FBXL2: variants seen among roughly 807,000 people sequenced by gnomAD.
FBXL2 encodes the protein F-box and leucine rich repeat protein 2, also known as F-box/LRR-repeat protein 2.
FBXL2 carries 38 observed loss-of-function variants against 69.2 expected under a neutral mutation model. The observed-to-expected ratio is 0.55, with a 90% CI of 0.42 to 0.72. FBXL2 has a LOEUF of 0.72. FBXL2 is among the 30% of genes least tolerant of loss of function. FBXL2 has a pLI of 0.00. For synonymous variants in FBXL2, 192 were observed against 201.3 expected, an observed-to-expected ratio of 0.95 and a Z score of 0.39; for missense variants, 354 against 520.3, an observed-to-expected ratio of 0.68 and a Z score of 3.11.
chr3:33,400,388 G>C, intron 12 of FBXL2: 2 of 799,222 alleles, frequency 2.5e-6, no homozygotes, highest in African/African-American at 1.8e-5. Context: ...CACCCAAAAA[G>C]AGCATGAGTC....
rs1296129398 is a variant in FBXL2 at position 33,342,891 on chromosome 3, C to G, written c.66-16076C>G. Among the ~76,000 whole-genome samples the G allele has an allele frequency of 3.0e-4, 29 of 96,382 alleles. 1 individual carries two copies. In the East Asian group the frequency reaches 0.011, roughly 37 times the overall value. The allele number at this position is 96,382 out of a possible 152,430, so 63.2% of individuals were successfully genotyped here. On this transcript the variant is annotated intron_variant, in intron 2 of 14. Transcript: ENST00000484457. ...TACAGGCGCCCGCCACCACGCCCAG[C>G]TGTTTTTTTTTTTTTTTTTTTGGTA...
chr3:33,411,702 G>T, the FBXL2 span: 1 of 1,600,504 alleles, frequency 6.2e-7, no homozygotes, highest in Non-Finnish European at 8.6e-7. Context: ...GTTTTAAAAA[G>T]AAGTTACATA....
At chr3:33,396,170 G>T in intron 12 of FBXL2, 2 of 1,579,068 alleles carry the variant, frequency 1.3e-6, no homozygotes, top group Non-Finnish European at 1.7e-6. Flanking sequence ...ACCATAGGGT[G>T]CCCCACTGCC....
chr3:33,419,314 G>A, the FBXL2 span, among the ~76,000 whole-genome samples: 1 of 152,096 alleles, frequency 6.6e-6, no homozygotes, highest in African/African-American at 2.4e-5. Flanking sequence ...GACCAACATG[G>A]TGAAACCCCG....
At chr3:33,406,989 T>C (rs1243575118), downstream of FBXL2, among the ~76,000 whole-genome samples, 5 of 152,240 alleles carry the variant, frequency 3.3e-5, no homozygotes, top group African/African-American at 1.2e-4. Flanking sequence ...TATCCCTTTT[T>C]ACTGAAAGCC....
At chr3:33,364,603 T>C in intron 4 of FBXL2, 22 bp from the exon 5 acceptor site, 1 of 1,604,624 alleles carries the variant, frequency 6.2e-7, no homozygotes. Flanking sequence ...TATTTTTTCC[T>C]CCCGAACTTT....
intron 12 of FBXL2, chr3:33,403,042 A>G (rs1435434394): frequency 1.3e-6 from 1 of 763,278 alleles, no homozygotes; most frequent in Non-Finnish European, 2.1e-6. Context: ...CCTCACAGAC[A>G]CATGTCAAAT....
chr3:33,296,827 G>A (rs180953301), intron 1 of FBXL2, among the ~76,000 whole-genome samples: 11 of 152,176 alleles, frequency 7.2e-5, no homozygotes, highest in East Asian at 1.9e-4. Context: ...GGAAGTTTGC[G>A]TCCTTCAACT....
At chr3:33,394,817 GTTTTTTTTT>G (rs76142927) in intron 12 of FBXL2, among the ~76,000 whole-genome samples, 1 of 110,444 alleles carries the variant, frequency 9.1e-6, no homozygotes, top group Admixed American at 8.9e-5. Context: ...CCCTCCACTT[GTTTTTTTTT>G]TTTTTTTTTT....
the FBXL2 span, chr3:33,412,571 G>A: frequency 2.1e-5 from 12 of 583,346 alleles, no homozygotes; most frequent in African/African-American, 1.3e-4. Context: ...GAGAGAGCAA[G>A]GCTCTGTCTC....
intron 2 of FBXL2, among the ~76,000 whole-genome samples, chr3:33,352,385 G>A (rs2040886449): frequency 6.6e-6 from 1 of 152,102 alleles, no homozygotes; most frequent in Non-Finnish European, 1.5e-5. Context: ...GAAAATCTAG[G>A]TGACCTTAGA....
At position 33,349,436 on chromosome 3, in the gene FBXL2, C is replaced by A. The variant is rs139564767; in HGVS notation, c.66-9531C>A. Among the ~76,000 whole-genome samples the A allele has an allele frequency of 5.6e-3, 846 of 152,294 alleles. 29 individuals are homozygous for A. The highest frequency in any genetic ancestry group is 0.044 in the Admixed American group (670 of 15,298). The stretch of plus-strand genomic sequence containing the variant: ...ATTTGCATATGTTGAACCATCCTTG[C>A]ATCCCTGGGATAACTCTCACGTGTT... On this transcript the variant is annotated intron_variant, in intron 2 of 14. Coordinates refer to ENST00000484457, the MANE Select transcript of FBXL2 (RefSeq NM_012157.5).
intron 2 of FBXL2, among the ~76,000 whole-genome samples, chr3:33,352,893 T>TCAAAAC (rs1553650034): frequency 6.7e-6 from 1 of 149,430 alleles, no homozygotes; most frequent in Non-Finnish European, 1.5e-5. Flanking sequence ...AGACTCTGTC[T>TCAAAAC]CAAAACAAAA....
chr3:33,308,973 A>C (rs1240144420), intron 2 of FBXL2, among the ~76,000 whole-genome samples: 1 of 152,216 alleles, frequency 6.6e-6, no homozygotes, highest in Non-Finnish European at 1.5e-5. Context: ...AAATTAGTCA[A>C]GACTTACTTG....
intron 5 of FBXL2, 69 bp downstream of exon 5, chr3:33,364,788 C>T: frequency 2.4e-6 from 3 of 1,229,492 alleles, no homozygotes; most frequent in Non-Finnish European, 3.6e-6. Flanking sequence ...ATAAACCAAG[C>T]CTATTACATG....
At position 33,370,417 on chromosome 3, in the gene FBXL2, C is replaced by CAAAA. The variant is rs35020611; in HGVS notation, c.291-2663_291-2660dup. Among the ~76,000 whole-genome samples the CAAAA allele has an allele frequency of 2.7e-4, 35 of 129,142 alleles. 2 individuals carry two copies. The highest frequency in any genetic ancestry group is 7.2e-4 in the African/African-American group (25 of 34,668). The allele number at this position is 129,142 out of a possible 152,430, so 84.7% of individuals were successfully genotyped here. On this transcript the variant is annotated intron_variant, in intron 5 of 14. Coordinates refer to ENST00000484457, the MANE Select transcript of FBXL2 (RefSeq NM_012157.5). ...TGGGTGACAGAGCGAGACTCCGTCT[C>CAAAA]AAAAAAAAAAAAAAATTGCTGAGTC...
the FBXL2 span, among the ~76,000 whole-genome samples, chr3:33,421,421 C>A: frequency 1.4e-4 from 22 of 152,234 alleles, no homozygotes; most frequent in South Asian, 6.2e-4. Context: ...TACAGGCGTG[C>A]GCCACCATGC....
At chr3:33,358,865 A>G (rs2041405943) in intron 2 of FBXL2, 102 bp from the exon 3 acceptor site, 3 of 603,210 alleles carry the variant, frequency 5.0e-6, no homozygotes, top group South Asian at 6.7e-5. Context: ...TCTTGAAAAA[A>G]CTTATGTATC....
chr3:33,280,267 T>G lies in FBXL2; in HGVS notation c.3+2752T>G, dbSNP rs183512788. 1.1e-3 allele frequency among the ~76,000 whole-genome samples: 161 copies of G among 152,364 alleles called. 2 individuals carry two copies. Among genetic ancestry groups the G allele is most frequent in the Non-Finnish European group, 1.9e-3 (131 of 68,038 alleles). Reference sequence around the variant, plus strand: ...TGTCACATCAGTTCAGTTAAGGAATTGGCATCCGCTTTTTGTGTGAATCAC... The same window carrying G: ...TGTCACATCAGTTCAGTTAAGGAATGGGCATCCGCTTTTTGTGTGAATCAC... On this transcript the variant is annotated intron_variant, in intron 1 of 14. Coordinates refer to ENST00000484457, the MANE Select transcript of FBXL2 (RefSeq NM_012157.5).
Sources: gnomAD v4.1 joint callset for allele counts (sites outside exome capture counted in the v4.1 genomes callset) on GRCh38, gnomAD v4.1.1 for gene constraint, MANE v1.5 for transcripts, NCBI Gene and HGNC (gene_info 2026-07-23, HGNC 2026-07-21) for gene names.